Variants in CTNNA3 observed in about 807,000 individuals in gnomAD.
CTNNA3 encodes catenin alpha-3.
CTNNA3 carries 76 observed loss-of-function variants against 95.7 expected under a neutral mutation model. The observed-to-expected ratio is 0.79, with a 90% CI of 0.66 to 0.96. CTNNA3 has a LOEUF of 0.96. Among genes scored for constraint, CTNNA3 ranks in the 40% least tolerant of loss-of-function variants. The probability of loss-of-function intolerance (pLI) is 0.00; values close to 1 mark genes in which losing one functional copy is unlikely to be tolerated. For synonymous variants in CTNNA3, 431 were observed against 374.4 expected, an observed-to-expected ratio of 1.15 and a Z score of -1.74; for missense variants, 1,191 against 1,089.8, an observed-to-expected ratio of 1.09 and a Z score of -1.31.
chr10:67,639,215 A>T (rs972315383), intron 2 of CTNNA3, among the ~76,000 whole-genome samples: 4 of 152,252 alleles, frequency 2.6e-5, no homozygotes, highest in Admixed American at 6.5e-5. Context: ...CCATCAGAGA[A>T]TACTATAAAC....
intron 11 of CTNNA3, among the ~76,000 whole-genome samples, chr10:66,427,334 T>C (rs1381463157): frequency 1.3e-5 from 2 of 152,038 alleles, no homozygotes; most frequent in Non-Finnish European, 2.9e-5. Flanking sequence ...TTTGTATTTC[T>C]ATATGGACTC....
intron 5 of CTNNA3, among the ~76,000 whole-genome samples, chr10:67,268,750 C>T (rs1866934800): frequency 6.6e-6 from 1 of 152,158 alleles, no homozygotes; most frequent in Non-Finnish European, 1.5e-5. Context: ...TTATTAACAA[C>T]AGATTCCAGT....
At chr10:67,447,823 T>C (rs553175828) in intron 5 of CTNNA3, among the ~76,000 whole-genome samples, 1 of 152,342 alleles carries the variant, frequency 6.6e-6, no homozygotes, top group African/African-American at 2.4e-5. Flanking sequence ...AGACTTTTCC[T>C]GTTTCATTCA....
At chr10:66,881,115 G>A (rs6480236) in intron 7 of CTNNA3, among the ~76,000 whole-genome samples, 123,199 of 151,866 alleles carry the variant, frequency 0.81, 51,216 homozygotes, top group Non-Finnish European at 0.91. Context: ...CATTCTAATT[G>A]CCCAATTCCA....
intron 17 of CTNNA3, among the ~76,000 whole-genome samples, chr10:65,959,671 T>C (rs2077802642): frequency 6.6e-6 from 1 of 152,214 alleles, no homozygotes; most frequent in East Asian, 1.9e-4. Context: ...ACTACAGGCA[T>C]ACACCACCAC....
chr10:67,077,816 T>A (rs1202733463), intron 7 of CTNNA3, among the ~76,000 whole-genome samples: 1 of 152,002 alleles, frequency 6.6e-6, no homozygotes, highest in Non-Finnish European at 1.5e-5. Flanking sequence ...ATTAAATGAA[T>A]GAATTAATAA....
intron 7 of CTNNA3, among the ~76,000 whole-genome samples, chr10:66,979,603 C>T (rs1209077217): frequency 2.0e-5 from 3 of 152,108 alleles, no homozygotes; most frequent in African/African-American, 7.2e-5. Context: ...CATTCTATCC[C>T]TCAATTGCCA....
At chr10:66,026,441 A>G (rs118099074) in intron 15 of CTNNA3, among the ~76,000 whole-genome samples, 1,684 of 152,334 alleles carry the variant, frequency 0.011, 20 homozygotes, top group Non-Finnish European at 0.019. Context: ...AAGGGAAGAT[A>G]TATTTAAAAC....
intron 6 of CTNNA3, among the ~76,000 whole-genome samples, chr10:67,208,611 T>G (rs1281161896): frequency 6.6e-6 from 1 of 152,118 alleles, no homozygotes; most frequent in East Asian, 1.9e-4. Flanking sequence ...CAGACCAACA[T>G]TCATCTTAAT....
At chr10:66,581,041 C>T (rs1843168925) in intron 10 of CTNNA3, among the ~76,000 whole-genome samples, 3 of 151,688 alleles carry the variant, frequency 2.0e-5, no homozygotes, top group Non-Finnish European at 4.4e-5. Flanking sequence ...GAATAATGGC[C>T]TCTAGTTCCA....
chr10:67,459,487 A>G (rs1847296782), intron 5 of CTNNA3, among the ~76,000 whole-genome samples: 1 of 152,174 alleles, frequency 6.6e-6, no homozygotes. Flanking sequence ...GGATATTTTC[A>G]TCTTTTCAAG....
intron 4 of CTNNA3, among the ~76,000 whole-genome samples, chr10:67,528,142 A>G (rs1840207115): frequency 6.6e-6 from 1 of 152,236 alleles, no homozygotes; most frequent in African/African-American, 2.4e-5. Flanking sequence ...AAAAGACTGC[A>G]TTGGCACGGT....
chr10:67,693,355 T>A (rs1298903715), intron 1 of CTNNA3, among the ~76,000 whole-genome samples: 1 of 152,082 alleles, frequency 6.6e-6, no homozygotes, highest in African/African-American at 2.4e-5. Context: ...AATCAGAAAA[T>A]CACACTTTTT....
intron 5 of CTNNA3, among the ~76,000 whole-genome samples, chr10:67,226,951 A>T (rs932173272): frequency 6.6e-6 from 1 of 152,194 alleles, no homozygotes; most frequent in Non-Finnish European, 1.5e-5. Context: ...AGAACCACAG[A>T]ATGCAGAAGA....
intron 6 of CTNNA3, among the ~76,000 whole-genome samples, chr10:67,188,234 G>A (rs1032707711): frequency 7.2e-5 from 11 of 152,202 alleles, no homozygotes; most frequent in African/African-American, 1.7e-4. Flanking sequence ...AGTGGCTCAC[G>A]CCTGTAATCC....
At chr10:66,270,177 A>G (rs1170359089) in intron 13 of CTNNA3, among the ~76,000 whole-genome samples, 1 of 150,108 alleles carries the variant, frequency 6.7e-6, no homozygotes, top group Non-Finnish European at 1.5e-5. Context: ...TCCAATTTGG[A>G]AACCAAATCA....
At chr10:66,546,922 G>C (rs1192549086) in intron 10 of CTNNA3, among the ~76,000 whole-genome samples, 1 of 152,112 alleles carries the variant, frequency 6.6e-6, no homozygotes, top group Non-Finnish European at 1.5e-5. Flanking sequence ...CTTTGTTTCT[G>C]TCAGAGTAGA....
intron 5 of CTNNA3, among the ~76,000 whole-genome samples, chr10:67,498,807 T>C (rs568684145): frequency 2.0e-5 from 3 of 152,382 alleles, no homozygotes; most frequent in Admixed American, 2.0e-4. Context: ...TTTGCTGAAG[T>C]TGCTTATCAG....
At chr10:66,448,891 C>G (rs2093443354) in intron 11 of CTNNA3, among the ~76,000 whole-genome samples, 1 of 151,934 alleles carries the variant, frequency 6.6e-6, no homozygotes, top group Non-Finnish European at 1.5e-5. Context: ...TTGATCTACT[C>G]TCATTTAATC....
Sources: allele counts gnomAD v4.1 joint callset (sites outside exome capture counted in the v4.1 genomes callset), GRCh38; gene constraint gnomAD v4.1.1; transcripts MANE v1.5; gene names NCBI Gene and HGNC (gene_info 2026-07-23, HGNC 2026-07-21).